The following TTC3 variants were observed in gnomAD, a reference collection of about 807,000 sequenced individuals.
TTC3 encodes E3 ubiquitin-protein ligase TTC3.
TTC3 carries 180 observed loss-of-function variants against 249.6 expected under a neutral mutation model. The ratio of observed to expected loss-of-function variants is 0.72; its 90% CI spans 0.64 to 0.82. TTC3 has a LOEUF of 0.82. TTC3 is among the 40% of genes least tolerant of loss of function. The pLI is 0.00. For missense variants in TTC3, 2,061 were observed against 2,398.4 expected, an observed-to-expected ratio of 0.86 and a Z score of 2.94; for synonymous variants, 717 against 805.0, an observed-to-expected ratio of 0.89 and a Z score of 1.85.
rs756993133 is a variant in TTC3, at chr21:37,200,297, CA to C, written c.5919del (p.Lys1973AsnfsTer30). 11 of 1,614,192 alleles carry C rather than the reference CA, an allele frequency of 6.8e-6. No homozygotes were observed. The East Asian group carries it at 2.2e-4, about 33-fold the overall frequency. On this transcript the variant is annotated frameshift_variant, in exon 45 of 46. Transcript: ENST00000355666. LOFTEE classifies it low-confidence loss of function (END_TRUNC). ...TCAAATCAAAAAACGTGCGTGTGCTCAAATGTGGGCACAAGTATCACAAAGG... is the reference window on the plus strand; with the variant it reads ...TCAAATCAAAAAACGTGCGTGTGCTCAATGTGGGCACAAGTATCACAAAGG...
At chr21:37,194,711 T>C (rs2084655783) in intron 41 of TTC3, 1 of 152,136 alleles carries the variant, frequency 6.6e-6, no homozygotes, top group Non-Finnish European at 1.5e-5. Flanking sequence ...ACAGTATATG[T>C]AGGGTTCGGT....
intron 27 of TTC3, among the ~76,000 whole-genome samples, chr21:37,154,720 GAGTGTCGCTC>G (rs1015349475): frequency 3.3e-5 from 5 of 152,146 alleles, no homozygotes; most frequent in Non-Finnish European, 5.9e-5. Context: ...TTTTGAGACA[GAGTGTCGCTC>G]TGTTGCCCAG....
At chr21:37,175,100 A>C (rs993049692) in intron 35 of TTC3, among the ~76,000 whole-genome samples, 7 of 23,828 alleles carry the variant, frequency 2.9e-4, no homozygotes, top group Non-Finnish European at 4.5e-4. Flanking sequence ...CTAAAAATAC[A>C]AAAAAAAAAA....
At chr21:37,090,728 A>T (rs2073159085) in intron 6 of TTC3, 1 of 173,306 alleles carries the variant, frequency 5.8e-6, no homozygotes, top group Admixed American at 6.5e-5. Flanking sequence ...GTTACTTTAG[A>T]CATTAGAAGT....
chr21:37,176,962 C>T (rs1161576138), intron 35 of TTC3, among the ~76,000 whole-genome samples: 1 of 152,184 alleles, frequency 6.6e-6, no homozygotes, highest in Non-Finnish European at 1.5e-5. Context: ...CATAATAATG[C>T]TGAGTGACTC....
chr21:37,147,866 T>C (rs1405400484), intron 22 of TTC3, among the ~76,000 whole-genome samples: 1 of 152,062 alleles, frequency 6.6e-6, no homozygotes, highest in Non-Finnish European at 1.5e-5. Context: ...GTAGCTGGGA[T>C]TACAGGCGTG....
chr21:37,134,321 TGC>T (rs1569012470), intron 17 of TTC3, among the ~76,000 whole-genome samples: 23 of 152,076 alleles, frequency 1.5e-4, no homozygotes, highest in Non-Finnish European at 3.2e-4. Context: ...TGTGGTGGCG[TGC>T]ACCTGTAGTC....
chr21:37,126,012 A>C (rs2077013579), intron 14 of TTC3, 68 bp from the exon 15 acceptor site: 1 of 1,433,774 alleles, frequency 7.0e-7, no homozygotes, highest in African/African-American at 1.5e-5. Flanking sequence ...ATTCTTTTAT[A>C]TAGCTATTGA....
intron 35 of TTC3, among the ~76,000 whole-genome samples, chr21:37,173,757 A>G (rs2082005683): frequency 6.6e-6 from 1 of 152,208 alleles, no homozygotes. Flanking sequence ...CTGTCATAAC[A>G]TTCCCCAGGA....
In TTC3 at chr21:37,186,304, C is replaced by A. The variant is rs1046620177; in HGVS notation, c.4826+530C>A. Reference sequence around the variant, plus strand: ...GCTTTTCTCACTATTGTTTCTTACGCACATTCCCATCCCGGTTTTTGAATA... The same window carrying A: ...GCTTTTCTCACTATTGTTTCTTACGAACATTCCCATCCCGGTTTTTGAATA... On this transcript the variant is annotated intron_variant, in intron 37 of 45. Transcript: ENST00000355666. 2.0e-5 allele frequency among the ~76,000 whole-genome samples: 3 copies of A among 152,324 alleles called. No individual in the cohort carries two copies. In the East Asian group the frequency reaches 5.8e-4, roughly 29 times the overall value.
At chr21:37,087,363 G>T in exon 2 of TTC3, 1 of 1,613,974 alleles carries the variant, frequency 6.2e-7, no homozygotes. Context: ...TATGAGCAAT[G>T]ATTATGTTCG....
intron 1 of TTC3, chr21:37,083,807 A>T (rs1051040644): frequency 1.7e-4 from 26 of 152,210 alleles, no homozygotes; most frequent in African/African-American, 6.0e-4. Flanking sequence ...AGAAGTCAAG[A>T]GATACAACCC....
chr21:37,181,182 C>T (rs770399550), intron 35 of TTC3, among the ~76,000 whole-genome samples: 1 of 152,180 alleles, frequency 6.6e-6, no homozygotes, highest in South Asian at 2.1e-4. Context: ...GTGGTATTTT[C>T]GTTGCCTGAG....
At position 37,126,015 on chromosome 21, in the gene TTC3, G is replaced by A. The variant is rs2077013828; in HGVS notation, c.1234-65G>A. On this transcript the variant is annotated intron_variant, in intron 14 of 45. Coordinates refer to ENST00000355666, the Ensembl canonical transcript of TTC3. The stretch of plus-strand genomic sequence containing the variant: ...ATTCTATTCTAAATTCTTTTATATA[G>A]CTATTGAATTCTTCATGGCTGGGTT... 7 of 1,443,488 alleles carry A rather than the reference G, an allele frequency of 4.8e-6. 1 individual carries two copies. The highest frequency in any genetic ancestry group is 2.5e-5 in the South Asian group (2 of 80,154). The allele number at this position is 1,443,488 out of a possible 1,614,324, so 89.4% of individuals were successfully genotyped here. A position where few individuals can be genotyped will look rare whatever the true frequency, so the allele number is the denominator to read the frequency against.
intron 8 of TTC3, 116 bp from the exon 9 acceptor site, chr21:37,095,234 C>A (rs2073813825): frequency 3.1e-6 from 2 of 641,412 alleles, no homozygotes; most frequent in African/African-American, 3.7e-5. Context: ...CATAAATAAT[C>A]CCCTATGTTA....
chr21:37,116,819 AT>A (rs577760095), intron 11 of TTC3, among the ~76,000 whole-genome samples: 224 of 152,174 alleles, frequency 1.5e-3, no homozygotes, highest in Non-Finnish European at 2.7e-3. Flanking sequence ...AAATAAAAAA[AT>A]AAAAATAAAT....
chr21:37,118,802 C>G (rs537294697), intron 11 of TTC3, among the ~76,000 whole-genome samples: 2 of 152,116 alleles, frequency 1.3e-5, no homozygotes, highest in African/African-American at 4.8e-5. Context: ...TCAAGCTCAC[C>G]CATCTTTTCT....
chr21:37,134,450 A>C (rs921960247), intron 17 of TTC3, among the ~76,000 whole-genome samples: 1 of 115,088 alleles, frequency 8.7e-6, no homozygotes, highest in African/African-American at 3.0e-5. Context: ...CTCCATCTCA[A>C]AAAAAAAAAG....
rs758221432 is a variant in TTC3, at chr21:37,172,570, A to G, written c.4468-25A>G. On this transcript the variant is annotated intron_variant, in intron 34 of 45. Transcript: ENST00000355666. ...GTAGGCATTTTAAATGATTTTTAATAGATTGTTTTGTAATTCACTTTTAGG... is the reference window on the plus strand; with the variant it reads ...GTAGGCATTTTAAATGATTTTTAATGGATTGTTTTGTAATTCACTTTTAGG... The G allele has an allele frequency of 5.6e-6, 9 of 1,598,302 alleles. No individual in the cohort carries two copies. In the Admixed American group the frequency reaches 1.6e-4, roughly 29 times the overall value.
Sources: gnomAD v4.1 joint callset for allele counts (sites outside exome capture counted in the v4.1 genomes callset) on GRCh38, gnomAD v4.1.1 for gene constraint, MANE v1.5 for transcripts, NCBI Gene and HGNC (gene_info 2026-07-23, HGNC 2026-07-21) for gene names.